GRIP1: variants seen among roughly 807,000 people sequenced by gnomAD.
The protein encoded by GRIP1 is glutamate receptor-interacting protein 1.
A neutral mutation model predicts 129.9 loss-of-function variants in GRIP1; 45 were observed. The ratio of observed to expected loss-of-function variants is 0.35; its 90% CI spans 0.27 to 0.44. The LOEUF is 0.44. Ranked by LOEUF, GRIP1 falls within the 20% of genes least tolerant of loss-of-function variation. The pLI, the probability that GRIP1 is intolerant of heterozygous loss-of-function variation, is 1.00. For synonymous variants in GRIP1, 530 were observed against 520.8 expected, an observed-to-expected ratio of 1.02 and a Z score of -0.24; for missense variants, 1,196 against 1,396.8, an observed-to-expected ratio of 0.86 and a Z score of 2.29.
At chr12:66,450,303 C>CAAAAAAAAAA (rs143013040) in intron 11 of GRIP1, among the ~76,000 whole-genome samples, 8 of 26,818 alleles carry the variant, frequency 3.0e-4, no homozygotes, top group African/African-American at 6.2e-4. Flanking sequence ...GACTCCATCT[C>CAAAAAAAAAA]AAAAAAAAAA....
At chr12:66,582,577 C>T (rs201158925) in intron 2 of GRIP1, among the ~76,000 whole-genome samples, 3,452 of 109,274 alleles carry the variant, frequency 0.032, 155 homozygotes, top group African/African-American at 0.066. Flanking sequence ...ACAAAATCAA[C>T]GTACAAAAAT....
At chr12:66,790,869 G>A (rs2038510311) in intron 1 of GRIP1, among the ~76,000 whole-genome samples, 2 of 152,062 alleles carry the variant, frequency 1.3e-5, no homozygotes, top group Non-Finnish European at 2.9e-5. Flanking sequence ...AGAAGGGCCA[G>A]TGCTGAACCC....
intron 1 of GRIP1, among the ~76,000 whole-genome samples, chr12:66,839,325 T>C (rs1370837277): frequency 6.6e-6 from 1 of 152,134 alleles, no homozygotes; most frequent in East Asian, 1.9e-4. Flanking sequence ...AAAATGAGTA[T>C]ACAGATGCAG....
chr12:66,949,480 C>T (rs2041721232), intron 1 of GRIP1, among the ~76,000 whole-genome samples: 3 of 151,892 alleles, frequency 2.0e-5, no homozygotes, highest in African/African-American at 7.3e-5. Context: ...ACTTGGCAGG[C>T]CCAACAACTA....
At chr12:66,723,568 C>A (rs954823092) in intron 1 of GRIP1, among the ~76,000 whole-genome samples, 12 of 151,960 alleles carry the variant, frequency 7.9e-5, no homozygotes, top group Admixed American at 2.6e-4. Flanking sequence ...CCACCTTGGC[C>A]TCCCAGAGTG....
chr12:66,720,956 C>T (rs1178267133), intron 1 of GRIP1, among the ~76,000 whole-genome samples: 1 of 152,104 alleles, frequency 6.6e-6, no homozygotes, highest in Non-Finnish European at 1.5e-5. Flanking sequence ...AAAAGGTTTT[C>T]AATTTACTTT....
chr12:66,391,860 A>G (rs1257276146), intron 19 of GRIP1, among the ~76,000 whole-genome samples: 1 of 152,176 alleles, frequency 6.6e-6, no homozygotes, highest in Non-Finnish European at 1.5e-5. Context: ...CTAAAAGAAA[A>G]AAAAAAGTCA....
intron 1 of GRIP1, among the ~76,000 whole-genome samples, chr12:66,960,825 G>A (rs1420483073): frequency 6.6e-6 from 1 of 152,132 alleles, no homozygotes. Flanking sequence ...TGCCAAGGCT[G>A]AGAAGCCCTA....
chr12:67,059,518 A>T (rs2043495466), intron 1 of GRIP1, among the ~76,000 whole-genome samples: 1 of 152,232 alleles, frequency 6.6e-6, no homozygotes, highest in Non-Finnish European at 1.5e-5. Context: ...CTCAAATGTC[A>T]TCTTGGGAGC....
intron 1 of GRIP1, among the ~76,000 whole-genome samples, chr12:66,830,120 A>G (rs1249956690): frequency 6.6e-6 from 1 of 152,150 alleles, no homozygotes; most frequent in Non-Finnish European, 1.5e-5. Context: ...CACATCAGAT[A>G]CCATTTTAAA....
intron 1 of GRIP1, among the ~76,000 whole-genome samples, chr12:66,620,001 C>T (rs1166702261): frequency 6.6e-6 from 1 of 152,180 alleles, no homozygotes; most frequent in Non-Finnish European, 1.5e-5. Context: ...TGAGACTTTA[C>T]ATCCATTACT....
chr12:66,596,477 C>T (rs555723765), intron 2 of GRIP1, among the ~76,000 whole-genome samples: 9 of 152,268 alleles, frequency 5.9e-5, no homozygotes, highest in South Asian at 2.1e-4. Flanking sequence ...TGATCTGTTG[C>T]GGCAATTGTG....
intron 23 of GRIP1, among the ~76,000 whole-genome samples, chr12:66,356,480 C>A (rs1240676669): frequency 6.6e-6 from 1 of 151,998 alleles, no homozygotes; most frequent in Admixed American, 6.6e-5. Flanking sequence ...TTGCCTTAGG[C>A]CAGATAGGAG....
intron 1 of GRIP1, among the ~76,000 whole-genome samples, chr12:66,871,394 A>T (rs1318941901): frequency 6.6e-6 from 1 of 152,110 alleles, no homozygotes; most frequent in Non-Finnish European, 1.5e-5. Flanking sequence ...AAGAAAGAAG[A>T]TTTAGTATCA....
chr12:66,555,607 T>C (rs1486716762), intron 2 of GRIP1, among the ~76,000 whole-genome samples: 3 of 152,112 alleles, frequency 2.0e-5, no homozygotes, highest in African/African-American at 7.2e-5. Flanking sequence ...AATAGAGCTA[T>C]GTAACCTTTC....
At chr12:66,495,508 T>TA (rs1227567646) in intron 7 of GRIP1, among the ~76,000 whole-genome samples, 2 of 152,174 alleles carry the variant, frequency 1.3e-5, no homozygotes, top group Non-Finnish European at 2.9e-5. Context: ...GGCAAGATAT[T>TA]AAAAAAATCT....
At chr12:66,759,919 A>G (rs944999405) in intron 1 of GRIP1, among the ~76,000 whole-genome samples, 3 of 151,476 alleles carry the variant, frequency 2.0e-5, no homozygotes, top group African/African-American at 4.9e-5. Flanking sequence ...CAATGGTGCA[A>G]TCTCGGCTCA....
chr12:66,662,579 A>G (rs1035952073), intron 1 of GRIP1, among the ~76,000 whole-genome samples: 5 of 152,222 alleles, frequency 3.3e-5, no homozygotes, highest in South Asian at 4.1e-4. Flanking sequence ...TTATTTCATG[A>G]TGCATTTTCC....
chr12:66,821,312 G>A (rs1468962068), intron 1 of GRIP1, among the ~76,000 whole-genome samples: 5 of 152,130 alleles, frequency 3.3e-5, no homozygotes, highest in African/African-American at 1.2e-4. Flanking sequence ...ATTAATGAGT[G>A]CTATGAAAAT....
Sources: allele counts gnomAD v4.1 joint callset (sites outside exome capture counted in the v4.1 genomes callset), GRCh38; gene constraint gnomAD v4.1.1; transcripts MANE v1.5; gene names NCBI Gene and HGNC (gene_info 2026-07-23, HGNC 2026-07-21).